Variants in SNTG1 observed in about 807,000 individuals in gnomAD.
SNTG1 encodes gamma-1-syntrophin.
A neutral mutation model predicts 74.7 loss-of-function variants in SNTG1; 39 were observed. The observed-to-expected ratio is 0.52, with a 90% confidence interval of 0.40 to 0.68. SNTG1 has a LOEUF of 0.68. Ranked by LOEUF, SNTG1 falls within the 30% of genes least tolerant of loss-of-function variation. The probability of loss-of-function intolerance (pLI) is 0.00; values close to 1 mark genes in which losing one functional copy is unlikely to be tolerated. For missense variants in SNTG1, 685 were observed against 609.5 expected (o/e 1.12, Z -1.30); for synonymous variants, 254 against 217.1 (o/e 1.17, Z -1.49).
intron 1 of SNTG1, among the ~76,000 whole-genome samples, chr8:49,998,600 A>ACACACG (rs1814458039): frequency 6.6e-6 from 1 of 151,174 alleles, no homozygotes; most frequent in South Asian, 2.1e-4. Flanking sequence ...ACACACACAC[A>ACACACG]CACACACACA....
At chr8:50,439,115 G>T (rs1471381509) in intron 5 of SNTG1, among the ~76,000 whole-genome samples, 1 of 151,866 alleles carries the variant, frequency 6.6e-6, no homozygotes, top group Non-Finnish European at 1.5e-5. Flanking sequence ...GAACATATGT[G>T]TTCATTTAAA....
chr8:50,390,634 G>A (rs572644674), intron 2 of SNTG1, among the ~76,000 whole-genome samples: 1 of 152,138 alleles, frequency 6.6e-6, no homozygotes, highest in African/African-American at 2.4e-5. Flanking sequence ...GATAGGGATG[G>A]CATTGAATCT....
intron 17 of SNTG1, among the ~76,000 whole-genome samples, chr8:50,732,049 T>C (rs557412660): frequency 2.6e-5 from 4 of 152,128 alleles, no homozygotes; most frequent in South Asian, 4.1e-4. Context: ...ATCCTACTGA[T>C]AGCCAAGGAT....
At position 50,728,428 on chromosome 8, in the gene SNTG1, G is replaced by T. The variant is rs145234355; in HGVS notation, c.1284+19450G>T. ...ATTCTGCAAGTCCTAAAATGTTGAGGCCTGGTGAACAGGAAAGGCAAACTC... is the reference window on the plus strand; with the variant it reads ...ATTCTGCAAGTCCTAAAATGTTGAGTCCTGGTGAACAGGAAAGGCAAACTC... On this transcript the variant is annotated intron_variant, in intron 17 of 18. Coordinates refer to ENST00000642720, the MANE Select transcript of SNTG1 (RefSeq NM_018967.5). 7.2e-3 allele frequency among the ~76,000 whole-genome samples: 1,096 copies of T among 152,256 alleles called. 7 individuals are homozygous for T. The highest frequency in any genetic ancestry group is 0.012 in the Non-Finnish European group (800 of 68,012).
chr8:50,136,740 A>C (rs1169456222), intron 1 of SNTG1, among the ~76,000 whole-genome samples: 1 of 152,046 alleles, frequency 6.6e-6, no homozygotes, highest in Non-Finnish European at 1.5e-5. Context: ...AGAGATGACT[A>C]TGACTTACCT....
chr8:49,964,621 T>C (rs1563403796), intron 1 of SNTG1, among the ~76,000 whole-genome samples: 1 of 152,242 alleles, frequency 6.6e-6, no homozygotes, highest in Non-Finnish European at 1.5e-5. Flanking sequence ...TCCTTCTTTC[T>C]TCCCATGTGG....
chr8:49,970,645 A>G (rs1490507488), intron 1 of SNTG1, among the ~76,000 whole-genome samples: 2 of 152,202 alleles, frequency 1.3e-5, no homozygotes, highest in Admixed American at 1.3e-4. Context: ...GTAGAGGGTC[A>G]GAGAAGGTTA....
chr8:50,705,279 A>G (rs951007786), intron 16 of SNTG1, among the ~76,000 whole-genome samples: 2 of 152,018 alleles, frequency 1.3e-5, no homozygotes, highest in African/African-American at 4.8e-5. Context: ...TCCTGTTCAA[A>G]CAACTCTTCT....
At chr8:50,608,978 G>T (rs563849393) in intron 13 of SNTG1, among the ~76,000 whole-genome samples, 1 of 151,878 alleles carries the variant, frequency 6.6e-6, no homozygotes, top group Non-Finnish European at 1.5e-5. Context: ...ATATTTTGCT[G>T]CATTGCAGTA....
intron 1 of SNTG1, among the ~76,000 whole-genome samples, chr8:50,170,961 G>T (rs2082784938): frequency 6.6e-6 from 1 of 152,146 alleles, no homozygotes; most frequent in South Asian, 2.1e-4. Flanking sequence ...CTTTGTAGGA[G>T]CTCCCACCTG....
chr8:50,129,819 T>G (rs768557595), intron 1 of SNTG1, among the ~76,000 whole-genome samples: 6 of 152,142 alleles, frequency 3.9e-5, no homozygotes, highest in Admixed American at 2.0e-4. Flanking sequence ...TTGTTGTTGT[T>G]GTTGTTGAGG....
chr8:50,103,675 C>CAG (rs2080243606), intron 1 of SNTG1, among the ~76,000 whole-genome samples: 1 of 152,160 alleles, frequency 6.6e-6, no homozygotes, highest in Non-Finnish European at 1.5e-5. Flanking sequence ...TTTCCCCATT[C>CAG]AGAATGATAT....
intron 15 of SNTG1, among the ~76,000 whole-genome samples, chr8:50,690,879 G>T (rs886874961): frequency 6.6e-6 from 1 of 152,162 alleles, no homozygotes; most frequent in African/African-American, 2.4e-5. Flanking sequence ...TTGTGTGGGA[G>T]TCTAAGTCTC....
At chr8:50,546,523 C>T (rs2094389205) in intron 11 of SNTG1, among the ~76,000 whole-genome samples, 1 of 132,936 alleles carries the variant, frequency 7.5e-6, no homozygotes. Flanking sequence ...CTAATGCTCT[C>T]CCTCCCCCCT....
At position 50,077,311 on chromosome 8, in the gene SNTG1, C is replaced by G. The variant is rs529893614; in HGVS notation, c.-102-95250C>G. ...GGATAACTAAAGAAACATTTTCTGG[C>G]ACATATCTGGCATGTAGATCATTTT... On this transcript the variant is annotated intron_variant, in intron 1 of 18. Coordinates refer to ENST00000642720, the MANE Select transcript of SNTG1 (RefSeq NM_018967.5). 2.0e-5 allele frequency among the ~76,000 whole-genome samples: 3 copies of G among 152,234 alleles called. No homozygotes were observed. The East Asian group carries it at 5.8e-4, about 29-fold the overall frequency.
rs768808355 is a variant in SNTG1, at chr8:50,449,725, G to A, written c.277G>A (p.Ala93Thr). ...TTCAAAAATCTCCAAGGAACAAAGA[G>A]GTAATATGTTTAGAGAATTGTGTAC... ...VVSKISKEQR[A>T]ELSGLLFIGD... Residue 93 changes from alanine to threonine, a missense_variant and splice_region_variant, in exon 6 of 19, where the codon GCG (alanine) becomes ACG (threonine). Ala to Thr is a moderately conservative substitution (Grantham distance 58). Transcript: ENST00000642720. The A allele has an allele frequency of 6.3e-6, 10 of 1,590,538 alleles. No individual in the cohort carries two copies. Among genetic ancestry groups the A allele is most frequent in the African/African-American group, 1.3e-5 (1 of 74,348 alleles).
At chr8:50,408,827 G>A (rs923850192) in intron 4 of SNTG1, among the ~76,000 whole-genome samples, 3 of 152,154 alleles carry the variant, frequency 2.0e-5, no homozygotes, top group Admixed American at 6.6e-5. Flanking sequence ...TTGAGAATTC[G>A]TGGTAAGTAT....
intron 1 of SNTG1, among the ~76,000 whole-genome samples, chr8:49,934,360 C>T (rs757656517): frequency 2.0e-5 from 3 of 151,884 alleles, no homozygotes; most frequent in Non-Finnish European, 2.9e-5. Flanking sequence ...ATCTACCTAT[C>T]TATTTATCAT....
chr8:50,481,097 C>A (rs1371513879), intron 8 of SNTG1, among the ~76,000 whole-genome samples: 1 of 152,146 alleles, frequency 6.6e-6, no homozygotes, highest in Non-Finnish European at 1.5e-5. Flanking sequence ...AAACATACAG[C>A]ACAGGCTGGG....
Sources: allele counts gnomAD v4.1 joint callset (sites outside exome capture counted in the v4.1 genomes callset), GRCh38; gene constraint gnomAD v4.1.1; transcripts MANE v1.5; gene names NCBI Gene and HGNC (gene_info 2026-07-23, HGNC 2026-07-21).